CYP3A7: variants seen among roughly 807,000 people sequenced by gnomAD.
CYP3A7 encodes the protein cytochrome P450 family 3 subfamily A member 7.
CYP3A7 carries 45 observed loss-of-function variants against 55.2 expected under a neutral mutation model. The ratio of observed to expected loss-of-function variants is 0.82; its 90% CI spans 0.64 to 1.05. The LOEUF is 1.05. Ranked by LOEUF, CYP3A7 falls within the 50% of genes least tolerant of loss-of-function variation. The pLI is 0.00. For synonymous variants in CYP3A7, 180 were observed against 207.4 expected (o/e 0.87, Z 1.13); for missense variants, 548 against 605.3 (o/e 0.91, Z 0.99).
intron 3 of CYP3A7, among the ~76,000 whole-genome samples, chr7:99,721,296 A>G (rs764777235): frequency 3.3e-5 from 5 of 152,218 alleles, no homozygotes; most frequent in Admixed American, 2.6e-4. Context: ...CCACACTTAC[A>G]TAGAAAGTTT....
Position 99,715,848 on chromosome 7 carries a change from C to A in CYP3A7, c.580G>T (p.Asp194Tyr). The A allele has an allele frequency of 3.1e-6, 5 of 1,613,838 alleles. No individual in the cohort carries two copies. Among genetic ancestry groups the A allele is most frequent in the Non-Finnish European group, 4.2e-6 (5 of 1,179,830 alleles). ...ITSTSFGVSI[D>Y]SLNNPQDPFV... ...GGGTCTTGTGGATTGTTGAGAGAGTCGATGCTCACTCCAAATGATGTGCTA... is the reference window on the plus strand; with the variant it reads ...GGGTCTTGTGGATTGTTGAGAGAGTAGATGCTCACTCCAAATGATGTGCTA... The change falls in exon 7 of 13, where the codon GAC (aspartate) becomes TAC (tyrosine). Residue 194 changes from aspartate to tyrosine, a missense_variant. Transcript: ENST00000336374.
At chr7:99,732,833 G>T (rs767441502) in intron 1 of CYP3A7, among the ~76,000 whole-genome samples, 23 of 152,168 alleles carry the variant, frequency 1.5e-4, no homozygotes, top group African/African-American at 5.6e-4. Context: ...CCTTCTAATG[G>T]CCAGGTACCT....
At chr7:99,730,925 G>A in intron 2 of CYP3A7, 134 bp downstream of exon 2, 1 of 1,211,174 alleles carries the variant, frequency 8.3e-7, no homozygotes. Context: ...GCCACGCTCT[G>A]GGTGATGCCT....
At chr7:99,731,335 C>T (rs1183864574) in intron 1 of CYP3A7, among the ~76,000 whole-genome samples, 183 bp from the exon 2 acceptor site, 2 of 152,158 alleles carry the variant, frequency 1.3e-5, no homozygotes, top group African/African-American at 4.8e-5. Context: ...ATGCTTCCAC[C>T]ATGAGACACC....
chr7:99,712,788 T>C (rs1349586528), intron 9 of CYP3A7, among the ~76,000 whole-genome samples: 1 of 152,206 alleles, frequency 6.6e-6, no homozygotes, highest in East Asian at 1.9e-4. Flanking sequence ...TTGCCAAATC[T>C]TGGTGGCTTG....
intron 5 of CYP3A7, 46 bp from the exon 6 acceptor site, chr7:99,717,311 A>T (rs527890603): frequency 3.1e-6 from 5 of 1,613,582 alleles, no homozygotes; most frequent in Non-Finnish European, 4.2e-6. Flanking sequence ...GTGCAGACAT[A>T]AGTCCCAGAA....
intron 7 of CYP3A7, among the ~76,000 whole-genome samples, chr7:99,714,890 TGAGATCAGCAGC>T (rs2151511079): frequency 6.6e-6 from 1 of 152,292 alleles, no homozygotes; most frequent in South Asian, 2.1e-4. Context: ...ACTACAGCAG[TGAGATCAGCAGC>T]CCCTTCTGCA....
At chr7:99,725,298 G>GA (rs1271544037) in intron 2 of CYP3A7, among the ~76,000 whole-genome samples, 10 of 152,070 alleles carry the variant, frequency 6.6e-5, no homozygotes, top group East Asian at 1.9e-4. Flanking sequence ...CCTGACATTA[G>GA]AAAAAATCTC....
chr7:99,708,983 A>G, intron 11 of CYP3A7, 52 bp downstream of exon 11: 3 of 1,592,232 alleles, frequency 1.9e-6, no homozygotes, highest in Non-Finnish European at 2.6e-6. Context: ...GAGGCAGAAT[A>G]TGCTTGAACC....
intron 4 of CYP3A7, 65 bp downstream of exon 4, chr7:99,720,248 A>G: frequency 6.3e-7 from 1 of 1,581,910 alleles, no homozygotes; most frequent in South Asian, 1.1e-5. Context: ...ATGAATATAT[A>G]AGAATTTTAA....
chr7:99,720,607 G>A (rs1452501120), intron 3 of CYP3A7, 195 bp from the exon 4 acceptor site: 6 of 563,726 alleles, frequency 1.1e-5, no homozygotes, highest in Non-Finnish European at 1.6e-5. Context: ...GTCTTCATAC[G>A]ATGAAGGGTA....
At chr7:99,714,428 T>C in intron 8 of CYP3A7, 127 bp downstream of exon 8, 1 of 1,444,446 alleles carries the variant, frequency 6.9e-7, no homozygotes, top group East Asian at 2.4e-5. Flanking sequence ...TATCTTGCTC[T>C]AAACATAAGT....
chr7:99,724,347 AC>A (rs1393522578), intron 2 of CYP3A7, among the ~76,000 whole-genome samples: 1 of 152,116 alleles, frequency 6.6e-6, no homozygotes, highest in Non-Finnish European at 1.5e-5. Flanking sequence ...ATCTTATAAG[AC>A]CTGGATGATT....
In CYP3A7 at chr7:99,709,187, G is replaced by T. The variant is rs1269421339; in HGVS notation, c.1101C>A (p.Phe367Leu). The change falls in exon 11 of 13, where the codon TTC (phenylalanine) becomes TTA (leucine). Residue 367 changes from phenylalanine (F) to leucine (L), a missense_variant. Coordinates refer to ENST00000336374, the MANE Select transcript of CYP3A7 (RefSeq NM_000765.5). Reference sequence around the variant, plus strand: ...CCCTCTCAAGTCTCATAGCAACTGGGAATAATCTGAGTGTTTCATTCACCA... The same window carrying T: ...CCCTCTCAAGTCTCATAGCAACTGGTAATAATCTGAGTGTTTCATTCACCA... ...DMVVNETLRLFPVAMRLERVC... is the reference protein window; with the variant it reads ...DMVVNETLRLLPVAMRLERVC... 1.2e-6 allele frequency: 2 copies of T among 1,613,984 alleles called. No homozygotes were observed. Among genetic ancestry groups the T allele is most frequent in the Non-Finnish European group, 1.7e-6 (2 of 1,179,934 alleles).
chr7:99,735,015 T>A lies in CYP3A7; in HGVS notation c.71+8A>T, dbSNP rs747157647. The A allele has an allele frequency of 1.9e-6, 3 of 1,614,034 alleles. No homozygotes were observed. In the South Asian group the frequency reaches 3.3e-5, roughly 18 times the overall value. On this transcript the variant is annotated splice_region_variant and intron_variant, in intron 1 of 12. Coordinates refer to ENST00000336374, the MANE Select transcript of CYP3A7 (RefSeq NM_000765.5). Reference sequence around the variant, plus strand: ...AAACAGAGAAGAGGAGCCTGAACAGTTACTCACAGATAGAGGAGTATCAGG... The same window carrying A: ...AAACAGAGAAGAGGAGCCTGAACAGATACTCACAGATAGAGGAGTATCAGG...
chr7:99,715,075 A>G (rs375135854), intron 7 of CYP3A7, among the ~76,000 whole-genome samples: 1 of 152,226 alleles, frequency 6.6e-6, no homozygotes, highest in African/African-American at 2.4e-5. Context: ...TCTGTCACCT[A>G]TCATAGGATA....
At chr7:99,717,036 G>C (rs1046393367) in intron 6 of CYP3A7, 141 bp downstream of exon 6, 6 of 823,008 alleles carry the variant, frequency 7.3e-6, no homozygotes, top group South Asian at 1.5e-5. Context: ...CCCATCTTGG[G>C]AGACCCATTG....
At chr7:99,705,667 A>G (rs1813494358) in intron 12 of CYP3A7, 72 bp from the exon 13 acceptor site, 1 of 1,568,246 alleles carries the variant, frequency 6.4e-7, no homozygotes, top group Admixed American at 1.7e-5. Flanking sequence ...ATCAAAGTAA[A>G]AAAAAATTAC....
intron 6 of CYP3A7, among the ~76,000 whole-genome samples, chr7:99,716,504 A>C (rs1813955110): frequency 6.6e-6 from 1 of 152,182 alleles, no homozygotes; most frequent in African/African-American, 2.4e-5. Flanking sequence ...ATATAATGAC[A>C]AATGATGTCC....
Sources: allele counts gnomAD v4.1 joint callset (sites outside exome capture counted in the v4.1 genomes callset), GRCh38; gene constraint gnomAD v4.1.1; transcripts MANE v1.5; gene names NCBI Gene and HGNC (gene_info 2026-07-23, HGNC 2026-07-21).